Variants in HPSE2 observed in about 807,000 individuals in gnomAD.
HPSE2 encodes inactive heparanase-2.
A neutral mutation model predicts 60.5 loss-of-function variants in HPSE2; 38 were observed. That is an observed-to-expected ratio of 0.63 (90% CI 0.48 to 0.82). HPSE2 has a LOEUF of 0.82. Among genes scored for constraint, HPSE2 ranks in the 40% least tolerant of loss-of-function variants. The probability of loss-of-function intolerance (pLI) is 0.00; values close to 1 mark genes in which losing one functional copy is unlikely to be tolerated. For missense variants in HPSE2, 713 were observed against 740.4 expected (o/e 0.96, Z 0.43); for synonymous variants, 295 against 293.2 (o/e 1.01, Z -0.06).
At chr10:99,165,766 C>T (rs768056736) in intron 2 of HPSE2, among the ~76,000 whole-genome samples, 1 of 151,772 alleles carries the variant, frequency 6.6e-6, no homozygotes, top group Non-Finnish European at 1.5e-5. Flanking sequence ...AGGCTGGTCT[C>T]GAACTCCTGA....
chr10:98,711,770 A>T (rs1948681369), intron 5 of HPSE2, among the ~76,000 whole-genome samples: 2 of 152,144 alleles, frequency 1.3e-5, no homozygotes, highest in Admixed American at 1.3e-4. Context: ...TGATCTTTAA[A>T]ATAAAGATAA....
chr10:98,831,396 G>A (rs943734492), intron 3 of HPSE2, among the ~76,000 whole-genome samples: 1 of 152,104 alleles, frequency 6.6e-6, no homozygotes, highest in Non-Finnish European at 1.5e-5. Flanking sequence ...GCTGTACTAC[G>A]AATCAACTAA....
At chr10:98,701,489 G>T (rs1275301482) in intron 5 of HPSE2, among the ~76,000 whole-genome samples, 1 of 115,562 alleles carries the variant, frequency 8.7e-6, no homozygotes. Flanking sequence ...GGGGACTGTT[G>T]TGGGGTGGGG....
chr10:99,145,183 G>A (rs571888312), intron 2 of HPSE2, among the ~76,000 whole-genome samples: 7 of 152,272 alleles, frequency 4.6e-5, no homozygotes, highest in East Asian at 3.9e-4. Context: ...TCAGCCAGGC[G>A]TGGTGGCTCA....
At chr10:98,759,300 A>G (rs1413827654) in intron 3 of HPSE2, among the ~76,000 whole-genome samples, 2 of 152,090 alleles carry the variant, frequency 1.3e-5, no homozygotes, top group East Asian at 3.8e-4. Context: ...CAATTTACCC[A>G]TGCAACAAAC....
At chr10:98,533,098 T>TGAA (rs1424342582) in intron 9 of HPSE2, among the ~76,000 whole-genome samples, 1 of 152,212 alleles carries the variant, frequency 6.6e-6, no homozygotes, top group Non-Finnish European at 1.5e-5. Context: ...CTAATGCCAA[T>TGAA]GTTCTATGAG....
At chr10:98,465,728 G>A (rs1940499128) in intron 11 of HPSE2, among the ~76,000 whole-genome samples, 1 of 152,096 alleles carries the variant, frequency 6.6e-6, no homozygotes, top group African/African-American at 2.4e-5. Flanking sequence ...ATCATATTCT[G>A]AGACCTCCTA....
intron 9 of HPSE2, among the ~76,000 whole-genome samples, chr10:98,550,710 G>A (rs1943837909): frequency 1.3e-5 from 2 of 151,946 alleles, no homozygotes; most frequent in Non-Finnish European, 1.5e-5. Context: ...TCCTGACCTC[G>A]TGATATGCCC....
chr10:99,269,393 A>G, the HPSE2 span, among the ~76,000 whole-genome samples: 1 of 152,202 alleles, frequency 6.6e-6, no homozygotes, highest in Admixed American at 6.5e-5. Flanking sequence ...AACTTGTCCA[A>G]CACAAAAATA....
chr10:99,284,288 T>C, the HPSE2 span, among the ~76,000 whole-genome samples: 1 of 152,246 alleles, frequency 6.6e-6, no homozygotes, highest in East Asian at 1.9e-4. Flanking sequence ...AAACATATAA[T>C]GACCTCAGTT....
intron 3 of HPSE2, among the ~76,000 whole-genome samples, chr10:98,860,909 C>G (rs1270867055): frequency 6.6e-6 from 1 of 152,148 alleles, no homozygotes; most frequent in Non-Finnish European, 1.5e-5. Context: ...CACTCCCAAC[C>G]TTAGGCACAT....
intron 3 of HPSE2, among the ~76,000 whole-genome samples, chr10:98,853,434 G>T (rs545780893): frequency 3.9e-5 from 6 of 152,054 alleles, no homozygotes; most frequent in Non-Finnish European, 7.4e-5. Flanking sequence ...ATTGACAGTG[G>T]ACAGCAAGAA....
chr10:98,560,476 G>A (rs1443533680), intron 9 of HPSE2, among the ~76,000 whole-genome samples: 4 of 152,238 alleles, frequency 2.6e-5, no homozygotes, highest in Non-Finnish European at 4.4e-5. Flanking sequence ...ACTCCCTTGG[G>A]GATCTCCTGA....
chr10:98,505,315 A>G (rs2133723562), intron 9 of HPSE2, among the ~76,000 whole-genome samples: 1 of 152,320 alleles, frequency 6.6e-6, no homozygotes, highest in Non-Finnish European at 1.5e-5. Context: ...CCAGGGAGTG[A>G]GGATCCAAAA....
intron 2 of HPSE2, among the ~76,000 whole-genome samples, chr10:99,167,155 C>T (rs1187822107): frequency 6.6e-6 from 1 of 151,984 alleles, no homozygotes; most frequent in Non-Finnish European, 1.5e-5. Flanking sequence ...GGATTACAAG[C>T]GTGTGCCACC....
At chr10:98,912,636 G>A (rs1954010911) in intron 3 of HPSE2, among the ~76,000 whole-genome samples, 1 of 152,066 alleles carries the variant, frequency 6.6e-6, no homozygotes, top group African/African-American at 2.4e-5. Flanking sequence ...AGGGTCATTT[G>A]CAAAAACCGG....
the HPSE2 span, among the ~76,000 whole-genome samples, chr10:99,299,275 C>T: frequency 6.6e-6 from 1 of 152,144 alleles, no homozygotes; most frequent in Non-Finnish European, 1.5e-5. Flanking sequence ...TAAGCCGGAC[C>T]AGTACTACTA....
At chr10:98,759,012 G>T (rs986658868) in intron 3 of HPSE2, among the ~76,000 whole-genome samples, 1 of 152,116 alleles carries the variant, frequency 6.6e-6, no homozygotes, top group Admixed American at 6.6e-5. Flanking sequence ...GCCACAAAAA[G>T]AATGAGCTCA....
chr10:98,856,359 A>G (rs1460220247), intron 3 of HPSE2, among the ~76,000 whole-genome samples: 2 of 152,196 alleles, frequency 1.3e-5, no homozygotes, highest in African/African-American at 2.4e-5. Context: ...GTGACTGAAT[A>G]AGCGGATTCA....
Sources: gnomAD v4.1 joint callset for allele counts (sites outside exome capture counted in the v4.1 genomes callset) on GRCh38, gnomAD v4.1.1 for gene constraint, MANE v1.5 for transcripts, NCBI Gene and HGNC (gene_info 2026-07-23, HGNC 2026-07-21) for gene names.